HNF4G: variants seen among roughly 807,000 people sequenced by gnomAD.
The protein encoded by HNF4G is hepatocyte nuclear factor 4-gamma.
Under a neutral mutation model 50.9 loss-of-function variants are expected in HNF4G, and 21 were observed. The ratio of observed to expected loss-of-function variants is 0.41; its 90% CI spans 0.29 to 0.59. HNF4G has a LOEUF of 0.59. HNF4G is among the 20% of genes least tolerant of loss of function. HNF4G has a pLI of 0.26. For missense variants in HNF4G, 527 were observed against 559.4 expected, an observed-to-expected ratio of 0.94 and a Z score of 0.58; for synonymous variants, 198 against 185.6, an observed-to-expected ratio of 1.07 and a Z score of -0.54.
At chr8:75,425,862 A>G (rs532696488) in intron 1 of HNF4G, among the ~76,000 whole-genome samples, 3 of 152,206 alleles carry the variant, frequency 2.0e-5, no homozygotes, top group Admixed American at 6.5e-5. Context: ...CATAGTTTAC[A>G]TGTCTTTTAC....
chr8:75,478,897 T>C (rs1288114224), intron 1 of HNF4G, among the ~76,000 whole-genome samples: 2 of 152,158 alleles, frequency 1.3e-5, no homozygotes, highest in South Asian at 2.1e-4. Flanking sequence ...CTAATTTGTA[T>C]TTTTAGTAGA....
chr8:75,542,255 G>A (rs1309279493), intron 1 of HNF4G, among the ~76,000 whole-genome samples: 8 of 151,916 alleles, frequency 5.3e-5, no homozygotes, highest in Non-Finnish European at 1.2e-4. Flanking sequence ...CAGTGAGCTA[G>A]GACTGCACCA....
intron 1 of HNF4G, among the ~76,000 whole-genome samples, chr8:75,486,978 C>T (rs1217258289): frequency 6.6e-6 from 1 of 152,086 alleles, no homozygotes; most frequent in African/African-American, 2.4e-5. Context: ...TGCACTCCAG[C>T]ATGTGCGACA....
intron 1 of HNF4G, among the ~76,000 whole-genome samples, chr8:75,472,174 C>T (rs565776169): frequency 8.3e-4 from 127 of 152,210 alleles, no homozygotes; most frequent in Non-Finnish European, 1.3e-3. Flanking sequence ...CTTTACTCTT[C>T]ATCCTCCTAT....
chr8:75,473,169 C>T (rs1173403542), intron 1 of HNF4G, among the ~76,000 whole-genome samples: 14 of 151,870 alleles, frequency 9.2e-5, no homozygotes, highest in African/African-American at 3.4e-4. Context: ...ATTAGCCAGG[C>T]GTGGTTGTGG....
upstream of HNF4G, among the ~76,000 whole-genome samples, chr8:75,536,120 C>T (rs1224464577): frequency 5.3e-5 from 8 of 151,848 alleles, no homozygotes; most frequent in Non-Finnish European, 1.5e-5. Context: ...CATGAGATTT[C>T]ACTAAGTAAA....
rs1387701157 is a variant in HNF4G at position 75,444,299 on chromosome 8, A to T, written c.-144+36137A>T. Among the ~76,000 whole-genome samples, 5 of 151,782 alleles carry T rather than the reference A, an allele frequency of 3.3e-5. No homozygotes were observed. In the East Asian group the frequency reaches 9.7e-4, roughly 29 times the overall value. On this transcript the variant is annotated intron_variant, in intron 1 of 10. Transcript: ENST00000354370. ...GGAAGCGCTAAACATGGAAAGGAAC[A>T]ACCGGTACCAGCCGCTGCAAAATCA...
chr8:75,468,558 G>A (rs546179982), intron 1 of HNF4G, among the ~76,000 whole-genome samples: 3 of 152,070 alleles, frequency 2.0e-5, no homozygotes, highest in Non-Finnish European at 4.4e-5. Context: ...GCCGAGTGTG[G>A]TGGCATGTGC....
chr8:75,411,714 G>A lies in HNF4G; in HGVS notation c.-144+3552G>A, dbSNP rs922650726. ...GACTAGCTTCATGGGAAGCTGCGTG[G>A]TGTATAAGTCACAAGGGCAGGCCTC... is the stretch of plus-strand genomic sequence containing the variant. On this transcript the variant is annotated intron_variant, in intron 1 of 10. Coordinates refer to the HNF4G transcript ENST00000354370. Among the ~76,000 whole-genome samples, 32 of 152,286 alleles carry A rather than the reference G, an allele frequency of 2.1e-4. 1 individual carries two copies. Among genetic ancestry groups the A allele is most frequent in the East Asian group, 5.8e-4 (3 of 5,176 alleles).
At chr8:75,505,875 G>A (rs1318415217) in intron 2 of HNF4G, among the ~76,000 whole-genome samples, 1 of 151,996 alleles carries the variant, frequency 6.6e-6, no homozygotes, top group Non-Finnish European at 1.5e-5. Flanking sequence ...AATAATTTAA[G>A]TGGAATGACC....
intron 2 of HNF4G, among the ~76,000 whole-genome samples, chr8:75,518,515 T>G (rs999939353): frequency 1.3e-5 from 2 of 152,138 alleles, no homozygotes; most frequent in African/African-American, 4.8e-5. Flanking sequence ...CATGCTGCTA[T>G]AAAGACACAT....
chr8:75,439,991 T>A (rs1811239497), intron 1 of HNF4G, among the ~76,000 whole-genome samples: 1 of 152,084 alleles, frequency 6.6e-6, no homozygotes, highest in African/African-American at 2.4e-5. Context: ...AGGTGAAAGC[T>A]TCTTAATCTG....
At chr8:75,547,288 C>T (rs1201723477) in intron 2 of HNF4G, among the ~76,000 whole-genome samples, 1 of 152,120 alleles carries the variant, frequency 6.6e-6, no homozygotes, top group Non-Finnish European at 1.5e-5. Flanking sequence ...AACTTGAATG[C>T]CAAAGATATT....
intron 1 of HNF4G, among the ~76,000 whole-genome samples, chr8:75,470,701 T>C (rs1302746737): frequency 6.6e-6 from 1 of 152,220 alleles, no homozygotes; most frequent in Non-Finnish European, 1.5e-5. Context: ...CTTGTTATGT[T>C]AAATATTATT....
chr8:75,421,953 G>A (rs1257042765), intron 1 of HNF4G, among the ~76,000 whole-genome samples: 3 of 152,118 alleles, frequency 2.0e-5, no homozygotes, highest in Non-Finnish European at 4.4e-5. Flanking sequence ...GTGTGTGTGC[G>A]CGTCAGGTGG....
At chr8:75,528,561 G>T (rs1047392440) in intron 2 of HNF4G, among the ~76,000 whole-genome samples, 1 of 152,088 alleles carries the variant, frequency 6.6e-6, no homozygotes, top group Non-Finnish European at 1.5e-5. Context: ...ATAGAACAAG[G>T]TCAGTATTAT....
chr8:75,448,002 TA>T (rs1481134470), intron 1 of HNF4G, among the ~76,000 whole-genome samples: 3 of 79,808 alleles, frequency 3.8e-5, no homozygotes, highest in Non-Finnish European at 7.4e-5. Context: ...ATTGCGGCAT[TA>T]TTCACAATAG....
chr8:75,556,109 AT>A, intron 6 of HNF4G, 40 bp downstream of exon 6: 1 of 1,136,488 alleles, frequency 8.8e-7, no homozygotes, highest in Non-Finnish European at 1.3e-6. Flanking sequence ...AATTATGCAT[AT>A]TTTATTCTTG....
chr8:75,421,681 T>C (rs907840162), intron 1 of HNF4G, among the ~76,000 whole-genome samples: 11 of 152,168 alleles, frequency 7.2e-5, no homozygotes, highest in African/African-American at 2.7e-4. Context: ...CAGAATCAGC[T>C]GGGAAGCTAG....
Sources: allele counts gnomAD v4.1 joint callset (sites outside exome capture counted in the v4.1 genomes callset), GRCh38; gene constraint gnomAD v4.1.1; transcripts MANE v1.5; gene names NCBI Gene and HGNC (gene_info 2026-07-23, HGNC 2026-07-21).